Variants in NRCAM observed in about 807,000 individuals in gnomAD.
NRCAM encodes the protein NgCAM-related cell adhesion molecule.
Under a neutral mutation model 156.5 loss-of-function variants are expected in NRCAM, and 83 were observed. The observed-to-expected ratio is 0.53, with a 90% CI of 0.44 to 0.64. NRCAM has a LOEUF of 0.64. NRCAM is among the 30% of genes least tolerant of loss of function. NRCAM has a pLI of 0.00. For synonymous variants in NRCAM, 538 were observed against 563.9 expected, an observed-to-expected ratio of 0.95 and a Z score of 0.65; for missense variants, 1,417 against 1,597.3, an observed-to-expected ratio of 0.89 and a Z score of 1.92.
intron 1 of NRCAM, among the ~76,000 whole-genome samples, chr7:108,426,631 C>T (rs542177542): frequency 1.3e-5 from 2 of 152,336 alleles, no homozygotes; most frequent in African/African-American, 4.8e-5. Flanking sequence ...TCCCCATCAG[C>T]AGATTAAGAC....
intron 32 of NRCAM, among the ~76,000 whole-genome samples, chr7:108,156,803 C>T (rs1221389492): frequency 1.3e-5 from 2 of 152,052 alleles, no homozygotes; most frequent in African/African-American, 4.8e-5. Flanking sequence ...AAGTGCAAAA[C>T]AGAGACAGGA....
At position 108,440,928 on chromosome 7, in the gene NRCAM, TA is replaced by T. The variant is rs773721070; in HGVS notation, c.-332+15314del. Among the ~76,000 whole-genome samples the T allele has an allele frequency of 5.3e-5, 8 of 152,306 alleles. No individual in the cohort carries two copies. In the South Asian group the frequency reaches 1.0e-3, roughly 20 times the overall value. Reference sequence around the variant, plus strand: ...TTCAGCTTTTAAAGAGCTTGCTGTATAAAAAACACAACAGGCCTCTGTAATT... The same window carrying T: ...TTCAGCTTTTAAAGAGCTTGCTGTATAAAAACACAACAGGCCTCTGTAATT... On this transcript the variant is annotated intron_variant, in intron 1 of 32. Transcript: ENST00000379028.
intron 1 of NRCAM, among the ~76,000 whole-genome samples, chr7:108,436,802 C>G (rs921152204): frequency 6.6e-6 from 1 of 152,150 alleles, no homozygotes; most frequent in African/African-American, 2.4e-5. Context: ...GCAACCCTTG[C>G]ATACACTGTT....
At chr7:108,377,076 A>C (rs2099679079) in intron 2 of NRCAM, among the ~76,000 whole-genome samples, 1 of 152,164 alleles carries the variant, frequency 6.6e-6, no homozygotes, top group African/African-American at 2.4e-5. Flanking sequence ...AGGCAGGAGG[A>C]TCAATTGAGC....
chr7:108,305,783 C>T (rs528048621), intron 3 of NRCAM, among the ~76,000 whole-genome samples: 85 of 152,314 alleles, frequency 5.6e-4, no homozygotes, highest in Admixed American at 9.2e-4. Context: ...CATGTATACT[C>T]CCTCTTAGAT....
chr7:108,153,289 T>A (rs2042856698), intron 32 of NRCAM, among the ~76,000 whole-genome samples: 1 of 152,164 alleles, frequency 6.6e-6, no homozygotes, highest in Non-Finnish European at 1.5e-5. Flanking sequence ...AGGCTTATTT[T>A]AGCATTAAAA....
intron 2 of NRCAM, among the ~76,000 whole-genome samples, chr7:108,371,127 T>C (rs1411390382): frequency 6.6e-6 from 1 of 152,164 alleles, no homozygotes; most frequent in Admixed American, 6.6e-5. Context: ...GATTTCCTTC[T>C]TTTTACAGAG....
At position 108,255,112 on chromosome 7, in the gene NRCAM, C is replaced by T. The variant is rs934471447; in HGVS notation, c.-106-14942G>A. Among the ~76,000 whole-genome samples, 29 of 152,112 alleles carry T rather than the reference C, an allele frequency of 1.9e-4. 1 individual carries two copies. The highest frequency in any genetic ancestry group is 5.3e-4 in the African/African-American group (22 of 41,410). On this transcript the variant is annotated intron_variant, in intron 3 of 32. Transcript: ENST00000379028. ...AACTACTGATATATGCAACAACATGCGGCATGGATGAAACCTCAAAACTAT... is the reference window on the plus strand; with the variant it reads ...AACTACTGATATATGCAACAACATGTGGCATGGATGAAACCTCAAAACTAT...
At chr7:108,180,725 T>C (rs1267129068) in intron 24 of NRCAM, among the ~76,000 whole-genome samples, 1 of 152,182 alleles carries the variant, frequency 6.6e-6, no homozygotes, top group African/African-American at 2.4e-5. Context: ...ATGAGGCAAA[T>C]GGAGGACAAT....
intron 1 of NRCAM, 82 bp downstream of exon 1, chr7:108,456,161 G>C (rs1263747868): frequency 6.6e-6 from 1 of 152,608 alleles, no homozygotes; most frequent in Non-Finnish European, 1.5e-5. Flanking sequence ...CAACGCAGCA[G>C]CCTCGCGCGT....
chr7:108,406,708 T>C (rs1036390232), intron 1 of NRCAM, among the ~76,000 whole-genome samples: 6 of 152,240 alleles, frequency 3.9e-5, no homozygotes, highest in African/African-American at 4.8e-5. Context: ...CCATGCAACC[T>C]TGAACTTGAG....
At chr7:108,398,501 A>G (rs1009094258) in intron 2 of NRCAM, among the ~76,000 whole-genome samples, 1 of 152,190 alleles carries the variant, frequency 6.6e-6, no homozygotes, top group Non-Finnish European at 1.5e-5. Context: ...CTTCCAGCTG[A>G]TAACACCTCA....
At chr7:108,405,593 C>T (rs1380165704) in intron 1 of NRCAM, among the ~76,000 whole-genome samples, 2 of 152,090 alleles carry the variant, frequency 1.3e-5, no homozygotes, top group Non-Finnish European at 2.9e-5. Flanking sequence ...TCTTTCTGAC[C>T]CTGTTGTGGC....
chr7:108,447,259 C>CTTTTTTT (rs34273772), intron 1 of NRCAM, among the ~76,000 whole-genome samples: 139 of 84,126 alleles, frequency 1.7e-3, no homozygotes, highest in East Asian at 2.7e-3. Flanking sequence ...TCACTTCTTT[C>CTTTTTTT]TTTTTTTTTT....
chr7:108,241,554 TC>T (rs1562910778), intron 3 of NRCAM, among the ~76,000 whole-genome samples: 1 of 152,192 alleles, frequency 6.6e-6, no homozygotes, highest in African/African-American at 2.4e-5. Flanking sequence ...TTTTACGATG[TC>T]CATCTTTTCC....
At chr7:108,175,383 G>A (rs2060081804) in intron 27 of NRCAM, 26 bp from the exon 28 acceptor site, 3 of 1,552,634 alleles carry the variant, frequency 1.9e-6, no homozygotes, top group Non-Finnish European at 2.6e-6. Flanking sequence ...ACAGAAATAG[G>A]ACACTATATA....
At chr7:108,231,217 A>G (rs1453340659) in intron 7 of NRCAM, 64 bp from the exon 8 acceptor site, 5 of 1,261,688 alleles carry the variant, frequency 4.0e-6, no homozygotes, top group Non-Finnish European at 5.4e-6. Flanking sequence ...AGAAAGCCCT[A>G]CAAATAAAGG....
chr7:108,290,420 T>A (rs2098251439), intron 3 of NRCAM, among the ~76,000 whole-genome samples: 2 of 152,164 alleles, frequency 1.3e-5, no homozygotes, highest in Non-Finnish European at 2.9e-5. Flanking sequence ...CTCATTCAGA[T>A]GGGAACAACA....
intron 11 of NRCAM, among the ~76,000 whole-genome samples, chr7:108,210,246 TTG>T (rs2083378899): frequency 8.5e-6 from 1 of 117,238 alleles, no homozygotes; most frequent in Non-Finnish European, 2.0e-5. Flanking sequence ...ACCCAATGTT[TTG>T]TTTTGTTTTT....
Sources: gnomAD v4.1 joint callset for allele counts (sites outside exome capture counted in the v4.1 genomes callset) on GRCh38, gnomAD v4.1.1 for gene constraint, MANE v1.5 for transcripts, NCBI Gene and HGNC (gene_info 2026-07-23, HGNC 2026-07-21) for gene names.